Variants in ARHGAP26 observed in about 807,000 individuals in gnomAD.
ARHGAP26 encodes rho GTPase-activating protein 26.
Under a neutral mutation model 104.8 loss-of-function variants are expected in ARHGAP26, and 38 were observed. The observed-to-expected ratio is 0.36, with a 90% confidence interval of 0.28 to 0.48. ARHGAP26 has a LOEUF of 0.48. Ranked by LOEUF, ARHGAP26 falls within the 20% of genes least tolerant of loss-of-function variation. The probability of loss-of-function intolerance (pLI) is 0.99; values close to 1 mark genes in which losing one functional copy is unlikely to be tolerated. For synonymous variants in ARHGAP26, 341 were observed against 340.0 expected (o/e 1.00, Z -0.03); for missense variants, 704 against 947.9 (o/e 0.74, Z 3.38).
At chr5:142,940,757 A>T (rs1310653196) in intron 11 of ARHGAP26, among the ~76,000 whole-genome samples, 3 of 152,164 alleles carry the variant, frequency 2.0e-5, no homozygotes, top group Non-Finnish European at 4.4e-5. Flanking sequence ...TGCTGCAGTG[A>T]ACATATGCAT....
chr5:143,101,553 T>C (rs1411142109), intron 17 of ARHGAP26, among the ~76,000 whole-genome samples: 1 of 152,126 alleles, frequency 6.6e-6, no homozygotes, highest in African/African-American at 2.4e-5. Context: ...CCCTCTCCTT[T>C]CCTTAACATC....
intron 1 of ARHGAP26, among the ~76,000 whole-genome samples, chr5:142,863,459 C>T (rs185780502): frequency 6.6e-6 from 1 of 152,306 alleles, no homozygotes; most frequent in East Asian, 1.9e-4. Context: ...CCTAGGTTCA[C>T]ATGTATAGTT....
At position 143,147,772 on chromosome 5, in the gene ARHGAP26, G is replaced by A. The variant is rs145493704; in HGVS notation, c.1988+391G>A. Among the ~76,000 whole-genome samples the A allele has an allele frequency of 4.7e-4, 72 of 152,238 alleles. No homozygotes were observed. In the East Asian group the frequency reaches 0.014, roughly 29 times the overall value. On this transcript the variant is annotated intron_variant, in intron 20 of 22. Transcript: ENST00000645722. Reference sequence around the variant, plus strand: ...TGTTGTCTCGGTTTCCCTCCCCACTGACTATGTTGGAAATGTTCAATGCCA... The same window carrying A: ...TGTTGTCTCGGTTTCCCTCCCCACTAACTATGTTGGAAATGTTCAATGCCA...
At chr5:142,874,972 G>A (rs1755873632) in intron 2 of ARHGAP26, 138 bp from the exon 3 acceptor site, 2 of 673,990 alleles carry the variant, frequency 3.0e-6, no homozygotes, top group East Asian at 2.7e-5. Context: ...AAAGATGAAG[G>A]GAGCCTTGGG....
chr5:143,045,795 C>T (rs113725731), intron 14 of ARHGAP26, among the ~76,000 whole-genome samples: 6 of 152,090 alleles, frequency 3.9e-5, no homozygotes, highest in Admixed American at 2.0e-4. Flanking sequence ...GTCAGGAGGT[C>T]GAGAGCAGCC....
intron 4 of ARHGAP26, among the ~76,000 whole-genome samples, chr5:142,883,036 A>G (rs1396902521): frequency 6.6e-6 from 1 of 152,214 alleles, no homozygotes. Flanking sequence ...CATCTTAAGA[A>G]CATTATCTAA....
chr5:143,094,423 C>T (rs778759206), intron 17 of ARHGAP26, among the ~76,000 whole-genome samples: 2 of 152,194 alleles, frequency 1.3e-5, no homozygotes, highest in Admixed American at 6.5e-5. Context: ...CTGAGGCTGC[C>T]ACAAGGGGGT....
chr5:142,812,417 A>G (rs942002488), intron 1 of ARHGAP26, among the ~76,000 whole-genome samples: 5 of 151,518 alleles, frequency 3.3e-5, no homozygotes, highest in Admixed American at 3.3e-4. Flanking sequence ...GCTCAGTGCA[A>G]CCTCTGCCTC....
chr5:142,934,693 T>TA (rs1325562494), intron 11 of ARHGAP26, among the ~76,000 whole-genome samples: 2 of 152,248 alleles, frequency 1.3e-5, no homozygotes, highest in Non-Finnish European at 2.9e-5. Flanking sequence ...AGGGAGCTGT[T>TA]ATAGTGGCAA....
chr5:143,070,371 C>T (rs533022678), intron 17 of ARHGAP26, among the ~76,000 whole-genome samples: 40 of 152,274 alleles, frequency 2.6e-4, no homozygotes, highest in African/African-American at 8.7e-4. Context: ...TGTAGATTAT[C>T]CCTTCTTTGT....
At chr5:142,974,816 CT>C (rs1337032167) in intron 11 of ARHGAP26, among the ~76,000 whole-genome samples, 1 of 152,176 alleles carries the variant, frequency 6.6e-6, no homozygotes, top group Non-Finnish European at 1.5e-5. Context: ...ATAGTTTCCC[CT>C]TTTGTTCCTT....
chr5:142,807,239 GTTATTCCTTT>G (rs1763156164), intron 1 of ARHGAP26, among the ~76,000 whole-genome samples: 1 of 152,204 alleles, frequency 6.6e-6, no homozygotes, highest in Non-Finnish European at 1.5e-5. Context: ...GACAGGTATG[GTTATTCCTTT>G]TTTGTGAGAA....
At chr5:142,911,481 T>G (rs866197912) in intron 9 of ARHGAP26, among the ~76,000 whole-genome samples, 32 of 152,208 alleles carry the variant, frequency 2.1e-4, no homozygotes, top group African/African-American at 7.2e-4. Context: ...CCTGACCAGG[T>G]CAGATCTCCT....
intron 10 of ARHGAP26, among the ~76,000 whole-genome samples, chr5:142,925,371 A>G (rs975660078): frequency 3.9e-5 from 6 of 152,116 alleles, no homozygotes; most frequent in Middle Eastern, 3.2e-3. Context: ...GACCAAGTCT[A>G]TTTTCCTTGG....
chr5:143,067,174 C>T (rs1787620938), intron 17 of ARHGAP26, among the ~76,000 whole-genome samples: 1 of 152,080 alleles, frequency 6.6e-6, no homozygotes, highest in South Asian at 2.1e-4. Context: ...TCTTTGTCTG[C>T]GTGGTCTGGA....
Position 143,062,012 on chromosome 5 carries a change from G to A in ARHGAP26, c.1538+4265G>A, listed in dbSNP as rs774410077. Among the ~76,000 whole-genome samples, 4 of 152,328 alleles carry A rather than the reference G, an allele frequency of 2.6e-5. No homozygotes were observed. In the South Asian group the frequency reaches 8.3e-4, roughly 32 times the overall value. On this transcript the variant is annotated intron_variant, in intron 17 of 22. Transcript: ENST00000645722. Reference sequence around the variant, plus strand: ...CCAACAAGATTTATCTGAGCCACTTGTGGGAGGATTGGATATCAGAATAAA... The same window carrying A: ...CCAACAAGATTTATCTGAGCCACTTATGGGAGGATTGGATATCAGAATAAA...
At chr5:143,060,448 A>G (rs940832117) in intron 17 of ARHGAP26, among the ~76,000 whole-genome samples, 2 of 152,136 alleles carry the variant, frequency 1.3e-5, no homozygotes, top group African/African-American at 2.4e-5. Context: ...GGGGAAAAAA[A>G]GTATTGGGTG....
At position 142,901,846 on chromosome 5, in the gene ARHGAP26, T is replaced by C. The variant is rs1303450641; in HGVS notation, c.598-89T>C. ...CATTATTATTCTTTATTTTAGACTT[T>C]CAAGCCAGTGTTGGGAGCTCAGATA... is the stretch of plus-strand genomic sequence containing the variant. On this transcript the variant is annotated intron_variant, in intron 6 of 22. Coordinates refer to ENST00000645722, the MANE Select transcript of ARHGAP26 (RefSeq NM_001135608.3). 15 of 1,037,352 alleles carry C rather than the reference T, an allele frequency of 1.4e-5. No homozygotes were observed. In the East Asian group the frequency reaches 3.6e-4, roughly 25 times the overall value. 64.3% of individuals were successfully genotyped at this position (1,037,352 alleles called of 1,614,324 possible).
intron 16 of ARHGAP26, among the ~76,000 whole-genome samples, chr5:143,056,850 G>A (rs1486525932): frequency 6.6e-6 from 1 of 152,168 alleles, no homozygotes; most frequent in East Asian, 1.9e-4. Flanking sequence ...AGTACCTAAT[G>A]TTCTGGTGTC....
Sources: allele counts gnomAD v4.1 joint callset (sites outside exome capture counted in the v4.1 genomes callset), GRCh38; gene constraint gnomAD v4.1.1; transcripts MANE v1.5; gene names NCBI Gene and HGNC (gene_info 2026-07-23, HGNC 2026-07-21).